The following DOCK8 variants were observed in gnomAD, a reference collection of about 807,000 sequenced individuals.
DOCK8 encodes dedicator of cytokinesis protein 8.
DOCK8 carries 141 observed loss-of-function variants against 245.6 expected under a neutral mutation model. The ratio of observed to expected loss-of-function variants is 0.57; its 90% CI spans 0.50 to 0.66. The LOEUF (loss-of-function observed/expected upper bound fraction) is 0.66, where lower values mean the gene tolerates loss of function less well. DOCK8 is among the 30% of genes least tolerant of loss of function. The pLI is 0.00. For synonymous variants in DOCK8, 1,168 were observed against 970.2 expected, an observed-to-expected ratio of 1.20 and a Z score of -3.79; for missense variants, 2,965 against 2,603.4, an observed-to-expected ratio of 1.14 and a Z score of -3.02.
intron 27 of DOCK8, among the ~76,000 whole-genome samples, chr9:405,715 A>G (rs1055976128): frequency 1.3e-5 from 2 of 152,158 alleles, no homozygotes; most frequent in African/African-American, 4.8e-5. Context: ...TTATTAGGTT[A>G]TATTTCTGTT....
chr9:292,246 T>A (rs1312996326), intron 4 of DOCK8, among the ~76,000 whole-genome samples: 1 of 151,304 alleles, frequency 6.6e-6, no homozygotes, highest in Non-Finnish European at 1.5e-5. Context: ...GGTGCATGTC[T>A]GTAATCCCAG....
intron 1 of DOCK8, among the ~76,000 whole-genome samples, chr9:235,982 A>G (rs2047237757): frequency 6.6e-6 from 1 of 152,138 alleles, no homozygotes; most frequent in Non-Finnish European, 1.5e-5. Context: ...AATCACCCGT[A>G]TTCTGTGTCG....
Position 325,661 on chromosome 9 carries a change from T to C in DOCK8, c.828-10T>C. On this transcript the variant is annotated splice_polypyrimidine_tract_variant and intron_variant, in intron 7 of 47. Coordinates refer to ENST00000432829, the MANE Select transcript of DOCK8 (RefSeq NM_203447.4). ...AAAGCCACATAGATTTTCCTCTCTTTCTATGGTAGGTTCGAGATTGAAATT... is the reference window on the plus strand; with the variant it reads ...AAAGCCACATAGATTTTCCTCTCTTCCTATGGTAGGTTCGAGATTGAAATT... The C allele has an allele frequency of 6.2e-7, 1 of 1,613,160 alleles. No individual in the cohort carries two copies. Among genetic ancestry groups the C allele is most frequent in the Non-Finnish European group, 8.5e-7 (1 of 1,179,130 alleles).
At chr9:267,167 C>T (rs868558041) in intron 1 of DOCK8, among the ~76,000 whole-genome samples, 10 of 152,142 alleles carry the variant, frequency 6.6e-5, no homozygotes, top group African/African-American at 2.4e-4. Context: ...AAGTAGTACG[C>T]TCTGTCTGCA....
chr9:215,852 G>T lies in DOCK8; in HGVS notation c.53+823G>T, dbSNP rs541780135. The stretch of plus-strand genomic sequence containing the variant: ...GCTGACAAGTAATTGGGACATTTTT[G>T]TCTTGCCCTGAGAAAGCTAGACTGT... On this transcript the variant is annotated intron_variant, in intron 1 of 47. Coordinates refer to ENST00000432829, the MANE Select transcript of DOCK8 (RefSeq NM_203447.4). 251 of 168,532 alleles carry T rather than the reference G, an allele frequency of 1.5e-3. 2 individuals are homozygous for T. Among genetic ancestry groups the T allele is most frequent in the Non-Finnish European group, 2.5e-3 (174 of 69,366 alleles). The allele number at this position is 168,532 out of a possible 1,614,324, so 10.4% of individuals were successfully genotyped here. A position where few individuals can be genotyped will look rare whatever the true frequency, so the allele number is the denominator to read the frequency against.
At chr9:382,716 C>CA (rs1330424610) in intron 22 of DOCK8, 31 bp downstream of exon 22, 1 of 1,612,284 alleles carries the variant, frequency 6.2e-7, no homozygotes, top group Non-Finnish European at 8.5e-7. Flanking sequence ...TGGAAGGGGA[C>CA]ACAGGCTTTT....
At chr9:371,848 G>A (rs899100664) in intron 17 of DOCK8, among the ~76,000 whole-genome samples, 2 of 152,116 alleles carry the variant, frequency 1.3e-5, no homozygotes, top group Non-Finnish European at 2.9e-5. Context: ...CATGCTTCAC[G>A]TATAGAACTA....
intron 25 of DOCK8, 130 bp from the exon 26 acceptor site, chr9:399,016 G>A (rs545536646): frequency 1.8e-5 from 14 of 788,556 alleles, no homozygotes; most frequent in African/African-American, 1.0e-4. Context: ...CAACTACTTC[G>A]CCCAGTGCCA....
chr9:216,754 TG>T (rs1408492039), intron 1 of DOCK8, among the ~76,000 whole-genome samples: 1 of 152,088 alleles, frequency 6.6e-6, no homozygotes, highest in Non-Finnish European at 1.5e-5. Flanking sequence ...GAAGTGTGAC[TG>T]GGGCAGAAAG....
intron 1 of DOCK8, among the ~76,000 whole-genome samples, chr9:269,148 A>G (rs1035265398): frequency 1.3e-5 from 2 of 152,318 alleles, no homozygotes; most frequent in Middle Eastern, 3.4e-3. Flanking sequence ...CACTACAATC[A>G]ATTTCAGAAC....
At chr9:461,214 A>G (rs2057793987) in intron 46 of DOCK8, among the ~76,000 whole-genome samples, 1 of 152,194 alleles carries the variant, frequency 6.6e-6, no homozygotes, top group Admixed American at 6.5e-5. Flanking sequence ...TTTTGTCATG[A>G]GAAGACTGGA....
intron 5 of DOCK8, among the ~76,000 whole-genome samples, chr9:310,025 T>G (rs2050025671): frequency 6.6e-6 from 1 of 152,070 alleles, no homozygotes; most frequent in South Asian, 2.1e-4. Flanking sequence ...CCCAGCACTT[T>G]GGGAGGCCAA....
chr9:365,629 C>G (rs2052951714), intron 14 of DOCK8: 2 of 454,788 alleles, frequency 4.4e-6, no homozygotes, highest in Admixed American at 2.4e-5. Context: ...CATTAATGCT[C>G]ACCACAGCCC....
rs200395580 is a variant in DOCK8 at position 368,374 on chromosome 9, A to AT, written c.1797+241dup. On this transcript the variant is annotated intron_variant, in intron 15 of 47. Coordinates refer to ENST00000432829, the MANE Select transcript of DOCK8 (RefSeq NM_203447.4). The stretch of plus-strand genomic sequence containing the variant: ...TGGAACATACAGATCATTTTAGAGG[A>AT]TTAAAAAAAGTCATAAAGTCTTTCC... The AT allele has an allele frequency of 1.1e-3, 755 of 698,244 alleles. 6 individuals carry two copies. The East Asian group carries it at 0.02, about 18-fold the overall frequency. 43.3% of individuals were successfully genotyped at this position (698,244 alleles called of 1,614,324 possible).
intron 3 of DOCK8, 37 bp from the exon 4 acceptor site, chr9:289,473 A>G: frequency 2.0e-6 from 3 of 1,524,356 alleles, no homozygotes; most frequent in East Asian, 4.5e-5. Context: ...TGTTTTACCC[A>G]GTAATAACGT....
intron 24 of DOCK8, among the ~76,000 whole-genome samples, chr9:394,268 A>C (rs1447620913): frequency 6.6e-6 from 1 of 152,118 alleles, no homozygotes; most frequent in Non-Finnish European, 1.5e-5. Context: ...CAAGAAATCC[A>C]TCAGGGAGCT....
chr9:217,160 A>G (rs1000325681), intron 1 of DOCK8, among the ~76,000 whole-genome samples: 8 of 152,234 alleles, frequency 5.3e-5, no homozygotes, highest in African/African-American at 1.9e-4. Flanking sequence ...AATGATTTTC[A>G]TGTTGATTGC....
rs2055911597 is a variant in DOCK8 at position 414,830 on chromosome 9, A to G, written c.3579A>G (p.Leu1193=). The change falls in exon 29 of 48, where the codon CTA becomes CTG. Residue 1193 remains leucine (L), a synonymous_variant. Transcript: ENST00000432829. ...CTGTCAGTGCAATTCACAGCCTGCT[A>G]AGTTCTCACGACCTGGACCCACGCT... is the stretch of plus-strand genomic sequence containing the variant. ...RKAVSAIHSL[L]SSHDLDPRCV... is the part of the protein sequence containing the mutation. The G allele has an allele frequency of 1.9e-6, 3 of 1,614,088 alleles. No homozygotes were observed. Among genetic ancestry groups the G allele is most frequent in the African/African-American group, 1.3e-5 (1 of 74,920 alleles).
intron 18 of DOCK8, among the ~76,000 whole-genome samples, chr9:375,840 T>C (rs532340929): frequency 7.6e-4 from 116 of 152,058 alleles, no homozygotes; most frequent in Non-Finnish European, 1.5e-3. Flanking sequence ...CTACAAAAAA[T>C]AGAAAAATTA....
Sources: gnomAD v4.1 joint callset for allele counts (sites outside exome capture counted in the v4.1 genomes callset) on GRCh38, gnomAD v4.1.1 for gene constraint, MANE v1.5 for transcripts, NCBI Gene and HGNC (gene_info 2026-07-23, HGNC 2026-07-21) for gene names.